Variants in CCDC85A observed in about 807,000 individuals in gnomAD.
CCDC85A encodes the protein coiled-coil domain-containing protein 85A.
CCDC85A carries 38 observed loss-of-function variants against 50.2 expected under a neutral mutation model. The ratio of observed to expected loss-of-function variants is 0.76; its 90% CI spans 0.58 to 0.99. CCDC85A has a LOEUF of 0.99. CCDC85A is among the 50% of genes least tolerant of loss of function. The pLI, the probability that CCDC85A is intolerant of heterozygous loss-of-function variation, is 0.00. For missense variants in CCDC85A, 820 were observed against 742.0 expected (o/e 1.11, Z -1.22); for synonymous variants, 366 against 301.4 (o/e 1.21, Z -2.22).
chr2:56,195,397 G>A (rs1386023239), intron 2 of CCDC85A, among the ~76,000 whole-genome samples: 6 of 152,200 alleles, frequency 3.9e-5, no homozygotes, highest in Admixed American at 6.5e-5. Context: ...TGATGTAATA[G>A]AATGATAGTG....
chr2:56,189,512 A>G (rs1676206242), intron 1 of CCDC85A, among the ~76,000 whole-genome samples: 1 of 151,856 alleles, frequency 6.6e-6, no homozygotes, highest in Admixed American at 6.6e-5. Flanking sequence ...ACTGGTCTTG[A>G]ACTCCTGACC....
At chr2:56,264,309 A>G (rs1042577959) in intron 2 of CCDC85A, among the ~76,000 whole-genome samples, 3 of 152,114 alleles carry the variant, frequency 2.0e-5, no homozygotes, top group Non-Finnish European at 2.9e-5. Flanking sequence ...TAACATGTCT[A>G]AAATCAAGCT....
chr2:56,196,214 T>C (rs1676513722), intron 2 of CCDC85A, among the ~76,000 whole-genome samples: 1 of 152,218 alleles, frequency 6.6e-6, no homozygotes, highest in Non-Finnish European at 1.5e-5. Flanking sequence ...AAAAGAAATA[T>C]TTAAACAAAT....
chr2:56,233,664 T>G (rs935380111), intron 2 of CCDC85A, among the ~76,000 whole-genome samples: 1 of 152,164 alleles, frequency 6.6e-6, no homozygotes, highest in African/African-American at 2.4e-5. Context: ...AGCAACAGGT[T>G]GGATTTAGCC....
In CCDC85A at chr2:56,192,225, T is replaced by C. The variant is rs775206422; in HGVS notation, c.277-252T>C. The stretch of plus-strand genomic sequence containing the variant: ...TAATTTTTATGGCCATACTAATTAT[T>C]ATCCCCTAAATGTTTGGGTAAAAAT... On this transcript the variant is annotated intron_variant, in intron 1 of 5. Transcript: ENST00000407595. This position sits in a 1 kb window ranked among gnomAD's most constrained non-coding sequence, Gnocchi z 4.7. Among the ~76,000 whole-genome samples the C allele has an allele frequency of 5.3e-5, 8 of 152,174 alleles. No individual in the cohort carries two copies. Among genetic ancestry groups the C allele is most frequent in the Non-Finnish European group, 8.8e-5 (6 of 68,028 alleles).
At chr2:56,187,484 T>C (rs1676101560) in intron 1 of CCDC85A, among the ~76,000 whole-genome samples, 1 of 152,186 alleles carries the variant, frequency 6.6e-6, no homozygotes, top group South Asian at 2.1e-4. Flanking sequence ...GCAGGGGCCC[T>C]GAGAAGTGGA....
intron 2 of CCDC85A, among the ~76,000 whole-genome samples, chr2:56,269,390 G>A (rs1670600563): frequency 1.3e-5 from 2 of 151,278 alleles, no homozygotes; most frequent in Non-Finnish European, 2.9e-5. Context: ...GGAGTGGAAG[G>A]AAGCAATCTT....
intron 2 of CCDC85A, among the ~76,000 whole-genome samples, chr2:56,241,787 CATGGG>C (rs1477728350): frequency 1.6e-4 from 25 of 152,176 alleles, no homozygotes; most frequent in Admixed American, 1.5e-3. Flanking sequence ...CTGCATTAAA[CATGGG>C]AGTGCAGATA....
At chr2:56,339,114 T>C (rs1049600453) in intron 2 of CCDC85A, among the ~76,000 whole-genome samples, 1 of 152,218 alleles carries the variant, frequency 6.6e-6, no homozygotes, top group African/African-American at 2.4e-5. Flanking sequence ...TATTAAGGTT[T>C]GCAATAACTG....
At chr2:56,272,142 G>C (rs1670727249) in intron 2 of CCDC85A, among the ~76,000 whole-genome samples, 2 of 152,146 alleles carry the variant, frequency 1.3e-5, no homozygotes, top group South Asian at 4.1e-4. Flanking sequence ...TAGCAGACAA[G>C]AGTAAAGTTA....
At chr2:56,380,553 C>T (rs1676533775) in intron 5 of CCDC85A, among the ~76,000 whole-genome samples, 1 of 150,410 alleles carries the variant, frequency 6.6e-6, no homozygotes, top group Non-Finnish European at 1.5e-5. Flanking sequence ...GAATGAGACC[C>T]TGTCTCAAAA....
At position 56,193,207 on chromosome 2, in the gene CCDC85A, C is replaced by T. The variant is rs1451293031; in HGVS notation, c.1007C>T (p.Pro336Leu). ...PEHARHSGGS[P>L]EHLQKHALGG... ...CACGCCAGGCACAGTGGAGGGAGCC[C>T]GGAGCATCTTCAGAAACACGCTCTT... The change falls in exon 2 of 6, where the codon CCG (proline) becomes CTG (leucine). Residue 336 changes from proline (P) to leucine (L), a missense_variant. By Grantham distance (98) the Pro-to-Leu change is moderately conservative. Coordinates refer to ENST00000407595, the MANE Select transcript of CCDC85A (RefSeq NM_001080433.2). The T allele has an allele frequency of 9.3e-6, 15 of 1,613,532 alleles. No homozygotes were observed. Among genetic ancestry groups the T allele is most frequent in the East Asian group, 2.2e-5 (1 of 44,818 alleles).
At chr2:56,321,557 A>G (rs879127585) in intron 2 of CCDC85A, among the ~76,000 whole-genome samples, 8 of 152,202 alleles carry the variant, frequency 5.3e-5, no homozygotes, top group African/African-American at 1.9e-4. Context: ...TTCAAAGAGA[A>G]TACAATACCT....
At chr2:56,252,706 A>G (rs556435022) in intron 2 of CCDC85A, among the ~76,000 whole-genome samples, 1 of 152,218 alleles carries the variant, frequency 6.6e-6, no homozygotes, top group African/African-American at 2.4e-5. Flanking sequence ...CCCCCGCCCA[A>G]CCGACAGGCC....
At chr2:56,220,615 T>C (rs1320482158) in intron 2 of CCDC85A, among the ~76,000 whole-genome samples, 3 of 152,008 alleles carry the variant, frequency 2.0e-5, no homozygotes, top group African/African-American at 7.2e-5. Context: ...AGGTCAGACA[T>C]TTCTGAGAAA....
At chr2:56,202,141 A>G (rs1408815745) in intron 2 of CCDC85A, among the ~76,000 whole-genome samples, 1 of 152,226 alleles carries the variant, frequency 6.6e-6, no homozygotes, top group African/African-American at 2.4e-5. Flanking sequence ...AATTAGACAC[A>G]TGCAGTGATG....
chr2:56,267,166 A>T (rs1670486898), intron 2 of CCDC85A, among the ~76,000 whole-genome samples: 1 of 152,130 alleles, frequency 6.6e-6, no homozygotes, highest in Admixed American at 6.5e-5. Flanking sequence ...AACAATTTTC[A>T]CTGGCCCTAA....
chr2:56,343,927 A>G (rs984627267), intron 3 of CCDC85A, among the ~76,000 whole-genome samples: 29 of 152,292 alleles, frequency 1.9e-4, no homozygotes, highest in African/African-American at 7.0e-4. Context: ...GGTCTTTTTA[A>G]TCTTGTTTTG....
chr2:56,195,981 C>G (rs1439747401), intron 2 of CCDC85A, among the ~76,000 whole-genome samples: 1 of 152,112 alleles, frequency 6.6e-6, no homozygotes, highest in Non-Finnish European at 1.5e-5. Flanking sequence ...GAGAGGACAT[C>G]AGTGAAAAAG....
Sources: allele counts gnomAD v4.1 joint callset (sites outside exome capture counted in the v4.1 genomes callset), GRCh38; gene constraint gnomAD v4.1.1; non-coding constraint Gnocchi (gnomAD v3.1); transcripts MANE v1.5; gene names NCBI Gene and HGNC (gene_info 2026-07-23, HGNC 2026-07-21).